The following GRM7 variants were observed in gnomAD, a reference collection of about 807,000 sequenced individuals.
The protein encoded by GRM7 is metabotropic glutamate receptor 7.
In GRM7, 35 loss-of-function variants were observed where a neutral mutation model predicts 84.5. The observed-to-expected ratio is 0.41, with a 90% CI of 0.32 to 0.55. GRM7 has a LOEUF of 0.55. GRM7 is among the 20% of genes least tolerant of loss of function. The pLI, the probability that GRM7 is intolerant of heterozygous loss-of-function variation, is 0.19. For synonymous variants in GRM7, 487 were observed against 455.1 expected, an observed-to-expected ratio of 1.07 and a Z score of -0.89; for missense variants, 1,003 against 1,194.6, an observed-to-expected ratio of 0.84 and a Z score of 2.36.
chr3:6,902,748 T>G (rs1696433403), intron 1 of GRM7, among the ~76,000 whole-genome samples: 1 of 152,102 alleles, frequency 6.6e-6, no homozygotes, highest in Non-Finnish European at 1.5e-5. Context: ...TACTTGTTTA[T>G]TCTTGACCTT....
intron 2 of GRM7, among the ~76,000 whole-genome samples, chr3:7,191,170 C>T (rs936044943): frequency 6.6e-6 from 1 of 152,070 alleles, no homozygotes; most frequent in Admixed American, 6.6e-5. Context: ...TGTTAATATT[C>T]AAGCTGCAGT....
intron 2 of GRM7, among the ~76,000 whole-genome samples, chr3:7,225,745 C>T (rs944652552): frequency 6.6e-6 from 1 of 151,708 alleles, no homozygotes; most frequent in Non-Finnish European, 1.5e-5. Flanking sequence ...TAAATTAATA[C>T]GTATATTTTG....
intron 6 of GRM7, among the ~76,000 whole-genome samples, chr3:7,458,923 G>A (rs1559337398): frequency 1.3e-5 from 2 of 152,190 alleles, no homozygotes; most frequent in African/African-American, 4.8e-5. Flanking sequence ...GTGAAATCCA[G>A]ATTTTATTTC....
At chr3:7,326,868 G>A (rs1336267122) in intron 4 of GRM7, among the ~76,000 whole-genome samples, 2 of 149,138 alleles carry the variant, frequency 1.3e-5, no homozygotes, top group African/African-American at 2.5e-5. Context: ...CAATTATTTT[G>A]CCCACAATCT....
intron 1 of GRM7, among the ~76,000 whole-genome samples, chr3:7,018,656 G>T (rs1268759301): frequency 6.6e-6 from 1 of 152,214 alleles, no homozygotes; most frequent in African/African-American, 2.4e-5. Flanking sequence ...GCACCTGAGG[G>T]AAGCTAGTCA....
chr3:7,379,824 T>C lies in GRM7; in HGVS notation c.1034-35199T>C, dbSNP rs151241711. Among the ~76,000 whole-genome samples the C allele has an allele frequency of 5.9e-5, 9 of 152,242 alleles. No individual in the cohort carries two copies. In the East Asian group the frequency reaches 1.7e-3, roughly 30 times the overall value. On this transcript the variant is annotated intron_variant, in intron 4 of 9. Coordinates refer to ENST00000357716, the MANE Select transcript of GRM7 (RefSeq NM_000844.4). ...GGCTCCTTCTTGCCATCTGTATTTT[T>C]AGTTGCCCAGGGTGCAGTATTCCCA...
chr3:7,538,103 ATTTTAT>A (rs933355470), intron 7 of GRM7, among the ~76,000 whole-genome samples: 8 of 151,876 alleles, frequency 5.3e-5, no homozygotes, highest in African/African-American at 1.9e-4. Flanking sequence ...ACTGCATTTT[ATTTTAT>A]TTTTATTATT....
At chr3:7,230,163 TATATC>T (rs1019149768) in intron 2 of GRM7, among the ~76,000 whole-genome samples, 1 of 152,008 alleles carries the variant, frequency 6.6e-6, no homozygotes, top group Admixed American at 6.5e-5. Flanking sequence ...GTTGAACTCT[TATATC>T]AGAAAGAAAT....
chr3:7,531,467 T>C (rs1701033652), intron 7 of GRM7, among the ~76,000 whole-genome samples: 1 of 152,194 alleles, frequency 6.6e-6, no homozygotes, highest in Admixed American at 6.5e-5. Flanking sequence ...TTCCATTTGT[T>C]TGTGTCCTCT....
intron 3 of GRM7, among the ~76,000 whole-genome samples, chr3:7,304,045 C>T (rs923734974): frequency 1.3e-5 from 2 of 151,740 alleles, no homozygotes; most frequent in Non-Finnish European, 2.9e-5. Context: ...TAATGTGCGG[C>T]CTCATATTTA....
At chr3:7,016,123 T>A (rs55788004) in intron 1 of GRM7, among the ~76,000 whole-genome samples, 151,297 of 152,310 alleles carry the variant, frequency 0.99, 75,150 homozygotes, top group African/African-American at 1. Context: ...GGCTTTGATC[T>A]ATCTGGGCTA....
At chr3:7,413,169 G>A (rs1030249949) in intron 4 of GRM7, among the ~76,000 whole-genome samples, 5 of 152,120 alleles carry the variant, frequency 3.3e-5, no homozygotes, top group South Asian at 2.1e-4. Flanking sequence ...CAAGAGTGAC[G>A]GCTTGATGAC....
chr3:7,464,512 A>C lies in GRM7; in HGVS notation c.1515+2790A>C, dbSNP rs73810660. ...GAGATAAGAGAAGAGCAGAGAACCC[A>C]AGGCCTTGAAAACCTCCTAGAAAAT... is the stretch of plus-strand genomic sequence containing the variant. On this transcript the variant is annotated intron_variant, in intron 7 of 9. Transcript: ENST00000357716. Among the ~76,000 whole-genome samples, 1,308 of 152,184 alleles carry C rather than the reference A, an allele frequency of 8.6e-3. 11 individuals carry two copies. The highest frequency in any genetic ancestry group is 0.022 in the African/African-American group (931 of 41,524).
chr3:7,740,432 AGG>A lies in GRM7; in HGVS notation c.*27_*28del. 7.5e-7 allele frequency: 1 copy of A among 1,338,276 alleles called. No individual in the cohort carries two copies. The highest frequency in any genetic ancestry group is 1.0e-6 in the Non-Finnish European group (1 of 952,790). The allele number at this position is 1,338,276 out of a possible 1,614,324, so 82.9% of individuals were successfully genotyped here. A position where few individuals can be genotyped will look rare whatever the true frequency, so the allele number is the denominator to read the frequency against. On this transcript the variant is annotated 3_prime_UTR_variant, in exon 10 of 10. Coordinates refer to ENST00000357716, the MANE Select transcript of GRM7 (RefSeq NM_000844.4). ...CCTGTTCCATTCCATGGAACCATGG[AGG>A]AGGAAGACCCTCAGTTATTTTGTCA...
At chr3:7,647,292 C>T (rs1047150905) in intron 8 of GRM7, among the ~76,000 whole-genome samples, 1 of 152,204 alleles carries the variant, frequency 6.6e-6, no homozygotes, top group Non-Finnish European at 1.5e-5. Context: ...AGAATGGGTA[C>T]AGACACTTCC....
chr3:7,365,338 T>C (rs1035529898), intron 4 of GRM7, among the ~76,000 whole-genome samples: 2 of 151,626 alleles, frequency 1.3e-5, no homozygotes, highest in Non-Finnish European at 1.5e-5. Context: ...CTCACACTCT[T>C]CTCTCTCATC....
chr3:6,983,868 C>A (rs1694299642), intron 1 of GRM7, among the ~76,000 whole-genome samples: 1 of 151,780 alleles, frequency 6.6e-6, no homozygotes, highest in African/African-American at 2.4e-5. Flanking sequence ...AGATATCTAA[C>A]AGTATCTTTA....
intron 2 of GRM7, among the ~76,000 whole-genome samples, chr3:7,230,857 C>T (rs979896616): frequency 1.3e-5 from 2 of 152,142 alleles, no homozygotes; most frequent in African/African-American, 4.8e-5. Flanking sequence ...GCAGCTATTG[C>T]ATAAAACCCT....
intron 5 of GRM7, among the ~76,000 whole-genome samples, chr3:7,425,381 G>A (rs1575317710): frequency 1.3e-5 from 2 of 152,152 alleles, no homozygotes; most frequent in South Asian, 4.1e-4. Context: ...TTGTTCAGAG[G>A]CAGCATAGTT....
Sources: gnomAD v4.1 joint callset for allele counts (sites outside exome capture counted in the v4.1 genomes callset) on GRCh38, gnomAD v4.1.1 for gene constraint, MANE v1.5 for transcripts, NCBI Gene and HGNC (gene_info 2026-07-23, HGNC 2026-07-21) for gene names.